The following LURAP1L variants were observed in gnomAD, a reference collection of about 807,000 sequenced individuals.
The protein encoded by LURAP1L is leucine rich adaptor protein 1 like.
In LURAP1L, 12 loss-of-function variants were observed where a neutral mutation model predicts 13.8. The observed-to-expected ratio is 0.87, with a 90% CI of 0.56 to 1.41. The LOEUF (loss-of-function observed/expected upper bound fraction) is 1.41, where lower values mean the gene tolerates loss of function less well. LURAP1L is among the 40% of genes most tolerant of loss of function. LURAP1L has a pLI of 0.00. For synonymous variants in LURAP1L, 139 were observed against 119.2 expected (o/e 1.17, Z -1.08); for missense variants, 375 against 292.9 (o/e 1.28, Z -2.04).
intron 1 of LURAP1L, among the ~76,000 whole-genome samples, chr9:12,796,490 T>A (rs1412747765): frequency 6.6e-6 from 1 of 152,070 alleles, no homozygotes; most frequent in Non-Finnish European, 1.5e-5. Context: ...TTGTATTTCC[T>A]GGAAAATATT....
chr9:12,818,565 A>G (rs1271282730), intron 1 of LURAP1L, among the ~76,000 whole-genome samples: 2 of 152,192 alleles, frequency 1.3e-5, no homozygotes, highest in African/African-American at 2.4e-5. Context: ...ATGACAGTAC[A>G]AAGTTAAGCT....
chr9:12,819,885 C>T (rs1051409870), intron 1 of LURAP1L, among the ~76,000 whole-genome samples: 1 of 151,980 alleles, frequency 6.6e-6, no homozygotes, highest in Non-Finnish European at 1.5e-5. Context: ...ACCCAGGAGG[C>T]GGAGGTTGCA....
At chr9:12,793,506 C>T (rs946720260) in intron 1 of LURAP1L, among the ~76,000 whole-genome samples, 43 of 152,070 alleles carry the variant, frequency 2.8e-4, no homozygotes, top group African/African-American at 1.0e-3. Context: ...TCTTTTATTG[C>T]CCTCCTTTCC....
intron 1 of LURAP1L, among the ~76,000 whole-genome samples, chr9:12,813,619 G>C (rs546978737): frequency 3.4e-4 from 51 of 152,056 alleles, no homozygotes; most frequent in Non-Finnish European, 4.9e-4. Flanking sequence ...GAAATTTGTG[G>C]CATGTCCCTA....
chr9:12,804,780 A>G (rs1336599557), intron 1 of LURAP1L, among the ~76,000 whole-genome samples: 1 of 152,228 alleles, frequency 6.6e-6, no homozygotes, highest in Non-Finnish European at 1.5e-5. Flanking sequence ...AGGAAGAAAC[A>G]GAAGTCAAAT....
chr9:12,801,537 A>T (rs571199090), intron 1 of LURAP1L, among the ~76,000 whole-genome samples: 4 of 152,298 alleles, frequency 2.6e-5, no homozygotes, highest in African/African-American at 9.6e-5. Flanking sequence ...TATTAGATCA[A>T]TTTCATTAAA....
intron 1 of LURAP1L, chr9:12,790,679 A>G (rs1017133341): frequency 6.6e-6 from 1 of 151,814 alleles, no homozygotes; most frequent in African/African-American, 2.4e-5. Context: ...CTTTCCTCAG[A>G]TATTGTCACT....
At chr9:12,785,400 C>T (rs935109785) in intron 1 of LURAP1L, among the ~76,000 whole-genome samples, 3 of 152,096 alleles carry the variant, frequency 2.0e-5, no homozygotes, top group Non-Finnish European at 4.4e-5. Flanking sequence ...CCTAAGTCTA[C>T]TGGCTCTGAG....
At chr9:12,806,599 A>C (rs914932157) in intron 1 of LURAP1L, among the ~76,000 whole-genome samples, 2 of 152,138 alleles carry the variant, frequency 1.3e-5, no homozygotes, top group African/African-American at 4.8e-5. Context: ...CTTTATTTTC[A>C]AATGTTGGAT....
intron 1 of LURAP1L, among the ~76,000 whole-genome samples, chr9:12,789,147 T>C (rs1819405846): frequency 7.1e-6 from 1 of 141,418 alleles, no homozygotes; most frequent in Non-Finnish European, 1.5e-5. Context: ...ACAATAAAAA[T>C]TAAAATGTTG....
chr9:12,785,369 G>C (rs759946333), intron 1 of LURAP1L, among the ~76,000 whole-genome samples: 2 of 152,150 alleles, frequency 1.3e-5, no homozygotes, highest in Non-Finnish European at 2.9e-5. Flanking sequence ...CCCAGCTGAT[G>C]TCTCACTAGG....
intron 1 of LURAP1L, among the ~76,000 whole-genome samples, chr9:12,801,964 A>G (rs1026559019): frequency 6.6e-6 from 1 of 152,204 alleles, no homozygotes; most frequent in African/African-American, 2.4e-5. Context: ...CTGAATTCCC[A>G]GTCCATTTCC....
intron 1 of LURAP1L, among the ~76,000 whole-genome samples, chr9:12,803,186 C>T (rs1819610433): frequency 6.6e-6 from 1 of 152,214 alleles, no homozygotes; most frequent in Non-Finnish European, 1.5e-5. Context: ...CTCTTTGTCA[C>T]TTGTCTTTAT....
rs577065771 is a variant in LURAP1L, at chr9:12,815,026, A to G, written c.313-6360A>G. Among the ~76,000 whole-genome samples, 6 of 152,348 alleles carry G rather than the reference A, an allele frequency of 3.9e-5. No homozygotes were observed. In the East Asian group the frequency reaches 1.2e-3, roughly 29 times the overall value. On this transcript the variant is annotated intron_variant, in intron 1 of 1. Coordinates refer to ENST00000319264, the MANE Select transcript of LURAP1L (RefSeq NM_203403.2). ...TAATTGTAGGCTTTTCACCTGAAGC[A>G]TTCCAAACCAAAAACAGTGAGTGGA... is the stretch of plus-strand genomic sequence containing the variant.
chr9:12,779,673 A>T (rs1291731259), intron 1 of LURAP1L, among the ~76,000 whole-genome samples: 2 of 152,226 alleles, frequency 1.3e-5, no homozygotes, highest in Non-Finnish European at 2.9e-5. Context: ...TGGAGGAGCC[A>T]GGATGAGGTC....
chr9:12,806,855 G>T (rs1819664350), intron 1 of LURAP1L, among the ~76,000 whole-genome samples: 1 of 151,480 alleles, frequency 6.6e-6, no homozygotes, highest in Non-Finnish European at 1.5e-5. Context: ...TGTACATACA[G>T]TCTCTCAATA....
intron 1 of LURAP1L, among the ~76,000 whole-genome samples, chr9:12,803,603 G>A (rs1368606237): frequency 6.6e-6 from 1 of 152,084 alleles, no homozygotes; most frequent in Non-Finnish European, 1.5e-5. Flanking sequence ...ACATTCAAAG[G>A]AGAGCAAACT....
At chr9:12,783,815 T>C (rs1819309209) in intron 1 of LURAP1L, among the ~76,000 whole-genome samples, 1 of 151,174 alleles carries the variant, frequency 6.6e-6, no homozygotes. Flanking sequence ...AATGAAGCTA[T>C]GAGGTCCTGG....
chr9:12,809,729 G>A (rs1819711165), intron 1 of LURAP1L, among the ~76,000 whole-genome samples: 1 of 152,158 alleles, frequency 6.6e-6, no homozygotes, highest in Non-Finnish European at 1.5e-5. Context: ...GTGATAGATA[G>A]GTCTTTAGTG....
Sources: gnomAD v4.1 joint callset for allele counts (sites outside exome capture counted in the v4.1 genomes callset) on GRCh38, gnomAD v4.1.1 for gene constraint, MANE v1.5 for transcripts, NCBI Gene and HGNC (gene_info 2026-07-23, HGNC 2026-07-21) for gene names.